DACH1: variants seen among roughly 807,000 people sequenced by gnomAD.
DACH1 encodes dachshund homolog 1.
DACH1 carries 12 observed loss-of-function variants against 54.2 expected under a neutral mutation model. The observed-to-expected ratio is 0.22, with a 90% CI of 0.14 to 0.36. The LOEUF (loss-of-function observed/expected upper bound fraction) is 0.36. DACH1 is among the 10% of genes least tolerant of loss of function. The pLI, the probability that DACH1 is intolerant of heterozygous loss-of-function variation, is 1.00. For missense variants in DACH1, 805 were observed against 929.8 expected (o/e 0.87, Z 1.75); for synonymous variants, 386 against 366.2 (o/e 1.05, Z -0.62).
At chr13:71,464,540 G>C (rs1410100333) in intron 10 of DACH1, 1 of 412,562 alleles carries the variant, frequency 2.4e-6, no homozygotes, top group Admixed American at 3.1e-5. Flanking sequence ...AAAACAAAGA[G>C]ATTTTTTGGC....
chr13:71,637,362 C>T (rs1594025746), intron 2 of DACH1, among the ~76,000 whole-genome samples: 1 of 152,116 alleles, frequency 6.6e-6, no homozygotes, highest in Non-Finnish European at 1.5e-5. Context: ...TCATACGATC[C>T]ATCATGTCTC....
rs1383702052 is a variant in DACH1, at chr13:71,769,739, T to C, written c.849-87829A>G. On this transcript the variant is annotated intron_variant, in intron 1 of 10. Coordinates refer to ENST00000613252, the MANE Select transcript of DACH1 (RefSeq NM_080759.6). ...CAGCATTCGTTATTCTAATTTCAAC[T>C]TTTTAGAACAATAAATGATAATCTC... Among the ~76,000 whole-genome samples the C allele has an allele frequency of 2.0e-5, 3 of 151,702 alleles. No individual in the cohort carries two copies. The East Asian group carries it at 5.8e-4, about 29-fold the overall frequency.
At chr13:71,517,017 T>A (rs2138271065) in intron 6 of DACH1, among the ~76,000 whole-genome samples, 2 of 151,882 alleles carry the variant, frequency 1.3e-5, no homozygotes, top group East Asian at 1.9e-4. Flanking sequence ...GATGTTTTAT[T>A]AACTGTCTTT....
intron 2 of DACH1, among the ~76,000 whole-genome samples, chr13:71,657,516 T>C (rs74395626): frequency 6.6e-6 from 1 of 151,104 alleles, no homozygotes. Context: ...GAAAAAAAGT[T>C]TATTTTTATT....
At chr13:71,627,163 A>T (rs1389194632) in intron 3 of DACH1, among the ~76,000 whole-genome samples, 2 of 151,896 alleles carry the variant, frequency 1.3e-5, no homozygotes, top group African/African-American at 4.8e-5. Context: ...TTCTTTAAAC[A>T]TCTTTTTCTG....
At chr13:71,862,791 A>G (rs1874441633) in intron 1 of DACH1, among the ~76,000 whole-genome samples, 1 of 152,092 alleles carries the variant, frequency 6.6e-6, no homozygotes, top group Non-Finnish European at 1.5e-5. Flanking sequence ...CGGTTCCTCA[A>G]AATCCCTGGT....
At chr13:71,730,224 AT>A (rs1042102742) in intron 1 of DACH1, among the ~76,000 whole-genome samples, 6 of 152,194 alleles carry the variant, frequency 3.9e-5, no homozygotes, top group African/African-American at 1.4e-4. Context: ...AAAGAGAAAA[AT>A]AAAGAAAAAT....
intron 8 of DACH1, among the ~76,000 whole-genome samples, chr13:71,478,628 TCA>T (rs1877778446): frequency 6.6e-6 from 1 of 152,212 alleles, no homozygotes; most frequent in Non-Finnish European, 1.5e-5. Context: ...AGAATTTATA[TCA>T]GTTTCTACTC....
intron 3 of DACH1, among the ~76,000 whole-genome samples, chr13:71,599,014 T>A (rs916331555): frequency 2.6e-4 from 39 of 152,254 alleles, no homozygotes; most frequent in Admixed American, 1.0e-3. Flanking sequence ...TTTGGATAAA[T>A]CTCTTATTTA....
intron 1 of DACH1, among the ~76,000 whole-genome samples, chr13:71,779,328 G>A (rs1314363310): frequency 6.8e-6 from 1 of 146,838 alleles, no homozygotes; most frequent in South Asian, 2.1e-4. Context: ...TATATAACAT[G>A]CAAAGGTAAC....
rs559024210 is a variant in DACH1 at position 71,842,845 on chromosome 13, C to T, written c.848+23077G>A. Reference sequence around the variant, plus strand: ...AATAGGCTGAAAATGATTTCACAATCCAAGGATATCTATTCTTCTGACTTG... The same window carrying T: ...AATAGGCTGAAAATGATTTCACAATTCAAGGATATCTATTCTTCTGACTTG... On this transcript the variant is annotated intron_variant, in intron 1 of 10. Coordinates refer to ENST00000613252, the MANE Select transcript of DACH1 (RefSeq NM_080759.6). Among the ~76,000 whole-genome samples the T allele has an allele frequency of 1.9e-3, 295 of 152,218 alleles. 8 individuals carry two copies. The Middle Eastern group carries it at 0.02, about 11-fold the overall frequency.
At chr13:71,802,157 T>A (rs79013853) in intron 1 of DACH1, among the ~76,000 whole-genome samples, 1 of 151,158 alleles carries the variant, frequency 6.6e-6, no homozygotes, top group Non-Finnish European at 1.5e-5. Flanking sequence ...GGCCAGAGCC[T>A]TTTTTTTTCC....
intron 2 of DACH1, among the ~76,000 whole-genome samples, chr13:71,653,893 T>A (rs1298986593): frequency 6.6e-6 from 1 of 152,026 alleles, no homozygotes; most frequent in Non-Finnish European, 1.5e-5. Flanking sequence ...TTCTACAGAG[T>A]AGATCTTAAA....
chr13:71,555,100 C>G (rs992138895), intron 6 of DACH1, among the ~76,000 whole-genome samples: 2 of 152,100 alleles, frequency 1.3e-5, no homozygotes, highest in African/African-American at 4.8e-5. Context: ...TCCTGACATT[C>G]ATTGTATAAC....
At chr13:71,856,752 T>C (rs1486984619) in intron 1 of DACH1, among the ~76,000 whole-genome samples, 2 of 151,908 alleles carry the variant, frequency 1.3e-5, no homozygotes, top group African/African-American at 4.8e-5. Flanking sequence ...TGACTTGACA[T>C]AGGCCATGGA....
chr13:71,711,055 A>G (rs537839476), intron 1 of DACH1, among the ~76,000 whole-genome samples: 23 of 152,314 alleles, frequency 1.5e-4, no homozygotes, highest in South Asian at 1.4e-3. Flanking sequence ...CTAAGTAGAA[A>G]GAAAACAGGA....
intron 1 of DACH1, among the ~76,000 whole-genome samples, chr13:71,710,784 T>C (rs1888243198): frequency 6.6e-6 from 1 of 152,090 alleles, no homozygotes; most frequent in Non-Finnish European, 1.5e-5. Flanking sequence ...GCAGAAGAAA[T>C]GAATTCAGTG....
chr13:71,563,944 A>G (rs1884752832), intron 4 of DACH1, among the ~76,000 whole-genome samples: 1 of 151,928 alleles, frequency 6.6e-6, no homozygotes, highest in Non-Finnish European at 1.5e-5. Flanking sequence ...CATTTTACTT[A>G]ATGTATAATT....
At chr13:71,462,700 C>T (rs1370303943) in intron 10 of DACH1, among the ~76,000 whole-genome samples, 1 of 151,894 alleles carries the variant, frequency 6.6e-6, no homozygotes, top group Non-Finnish European at 1.5e-5. Flanking sequence ...TTCATTTAAT[C>T]TTCATAACAA....
Sources: gnomAD v4.1 joint callset for allele counts (sites outside exome capture counted in the v4.1 genomes callset) on GRCh38, gnomAD v4.1.1 for gene constraint, MANE v1.5 for transcripts, NCBI Gene and HGNC (gene_info 2026-07-23, HGNC 2026-07-21) for gene names.